Variants in SCAI observed in about 807,000 individuals in gnomAD.
The protein encoded by SCAI is protein SCAI.
Under a neutral mutation model 92.2 loss-of-function variants are expected in SCAI, and 24 were observed. The ratio of observed to expected loss-of-function variants is 0.26; its 90% CI spans 0.19 to 0.37. The LOEUF (loss-of-function observed/expected upper bound fraction) is 0.37, where lower values mean the gene tolerates loss of function less well. Among genes scored for constraint, SCAI ranks in the 10% least tolerant of loss-of-function variants. SCAI has a pLI of 1.00. For synonymous variants in SCAI, 261 were observed against 258.6 expected (o/e 1.01, Z -0.09); for missense variants, 450 against 736.2 (o/e 0.61, Z 4.50).
chr9:124,946,146 A>AT lies in SCAI; in HGVS notation c.*6660dup, dbSNP rs1489276193. On this transcript the variant is annotated 3_prime_UTR_variant, in exon 18 of 18. Coordinates refer to ENST00000336505, the MANE Select transcript of SCAI (RefSeq NM_001144877.3). This position sits in a 1 kb window ranked among gnomAD's most constrained non-coding sequence, Gnocchi z 4.0. ...GTCAGTTCCATGAATTTTAAATGGT[A>AT]TAATATCTGCTCTACTACTCTCCAG... 1.3e-5 allele frequency: 2 copies of AT among 152,210 alleles called. No individual in the cohort carries two copies. Among genetic ancestry groups the AT allele is most frequent in the Non-Finnish European group, 2.9e-5 (2 of 68,040 alleles). The allele number at this position is 152,210 out of a possible 1,614,324, so 9.4% of individuals were successfully genotyped here.
At chr9:125,046,196 G>GATATATATATATAGAT (rs1833430034) in intron 3 of SCAI, among the ~76,000 whole-genome samples, 3 of 51,868 alleles carry the variant, frequency 5.8e-5, no homozygotes, top group Non-Finnish European at 1.1e-4. Flanking sequence ...GAAATTGTGA[G>GATATATATATATAGAT]ATATATATAT....
intron 17 of SCAI, among the ~76,000 whole-genome samples, chr9:124,965,899 GA>G: frequency 6.6e-6 from 1 of 152,240 alleles, no homozygotes; most frequent in South Asian, 2.1e-4. Context: ...AAATATGTGA[GA>G]ACCACTAGAG....
chr9:124,956,916 T>A (rs1209337793), intron 17 of SCAI, among the ~76,000 whole-genome samples: 1 of 151,828 alleles, frequency 6.6e-6, no homozygotes, highest in Non-Finnish European at 1.5e-5. Flanking sequence ...ATATAGAAAA[T>A]TTTAAGGAAC....
At chr9:125,077,840 T>G (rs764152623) in intron 2 of SCAI, among the ~76,000 whole-genome samples, 7 of 152,114 alleles carry the variant, frequency 4.6e-5, no homozygotes, top group African/African-American at 7.2e-5. Flanking sequence ...TGCCTCGGCC[T>G]CCCAAGTAGC....
chr9:125,030,140 G>A (rs1588163357), intron 3 of SCAI, among the ~76,000 whole-genome samples: 2 of 152,256 alleles, frequency 1.3e-5, no homozygotes, highest in East Asian at 3.9e-4. Context: ...TATGTAGATG[G>A]TATTACTGTT....
intron 13 of SCAI, among the ~76,000 whole-genome samples, chr9:124,999,361 T>C (rs1832312084): frequency 6.7e-6 from 1 of 149,780 alleles, no homozygotes; most frequent in Non-Finnish European, 1.5e-5. Flanking sequence ...CACTCCAGCC[T>C]GGGTGACAGG....
intron 14 of SCAI, among the ~76,000 whole-genome samples, chr9:124,991,751 C>T (rs1403454714): frequency 3.3e-5 from 5 of 151,858 alleles, no homozygotes; most frequent in South Asian, 2.1e-4. Flanking sequence ...GCAGGAGAAT[C>T]GCTTGAACCC....
chr9:125,016,017 T>G (rs1231471673), intron 9 of SCAI, among the ~76,000 whole-genome samples: 2 of 109,136 alleles, frequency 1.8e-5, no homozygotes, highest in South Asian at 3.2e-4. Context: ...ACATCACACT[T>G]TGGGGACTGT....
chr9:125,032,458 C>G (rs1028646034), intron 3 of SCAI, among the ~76,000 whole-genome samples: 1 of 151,556 alleles, frequency 6.6e-6, no homozygotes, highest in African/African-American at 2.4e-5. Context: ...TCCTAAAGTG[C>G]TGGGATTACA....
intron 3 of SCAI, 101 bp from the exon 4 acceptor site, chr9:125,029,840 T>C (rs956154275): frequency 5.0e-6 from 3 of 602,292 alleles, no homozygotes; most frequent in East Asian, 3.2e-5. Context: ...AATGCTTGCA[T>C]TCAGGCTTTC....
In SCAI at chr9:125,079,772, A is replaced by AC. The variant is rs1564404807; in HGVS notation, c.99-23766_99-23765insG. Among the ~76,000 whole-genome samples the AC allele has an allele frequency of 4.6e-5, 7 of 152,060 alleles. No individual in the cohort carries two copies. In the East Asian group the frequency reaches 1.4e-3, roughly 29 times the overall value. On this transcript the variant is annotated intron_variant, in intron 2 of 17. Transcript: ENST00000336505. ...AACACGTTGGTGACTTAAAAAAAAA[A>AC]ACTGGTATTTCACGGAACATGAGGA... is the stretch of plus-strand genomic sequence containing the variant.
rs932551449 is a variant in SCAI, at chr9:124,943,287, G to C, written c.*9520C>G. 2 of 152,130 alleles carry C rather than the reference G, an allele frequency of 1.3e-5. No homozygotes were observed. The highest frequency in any genetic ancestry group is 6.5e-5 in the Admixed American group (1 of 15,280). The allele number at this position is 152,130 out of a possible 1,614,324, so 9.4% of individuals were successfully genotyped here. A position where few individuals can be genotyped will look rare whatever the true frequency, so the allele number is the denominator to read the frequency against. ...TACTGTTAACACATATAAAAACTATGAATCCAAACAGTTTTGCTAACGGGG... is the reference window on the plus strand; with the variant it reads ...TACTGTTAACACATATAAAAACTATCAATCCAAACAGTTTTGCTAACGGGG... On this transcript the variant is annotated 3_prime_UTR_variant, in exon 18 of 18. Transcript: ENST00000336505.
chr9:125,075,596 C>T (rs987256163), intron 2 of SCAI, among the ~76,000 whole-genome samples: 3 of 146,722 alleles, frequency 2.0e-5, no homozygotes, highest in African/African-American at 7.6e-5. Context: ...GATGGAGTTT[C>T]GCTCCTGTTG....
chr9:124,968,445 C>A (rs1187374171), intron 17 of SCAI: 10 of 1,030,656 alleles, frequency 9.7e-6, no homozygotes, highest in African/African-American at 1.6e-5. Flanking sequence ...CTTGAGTCCA[C>A]TGGATGGAGA....
At chr9:125,051,643 C>T (rs1294867904) in intron 3 of SCAI, among the ~76,000 whole-genome samples, 2 of 152,084 alleles carry the variant, frequency 1.3e-5, no homozygotes, top group East Asian at 3.8e-4. Flanking sequence ...GTACCCCATA[C>T]ATATGTAAAA....
chr9:125,100,174 C>T (rs1331484357), intron 2 of SCAI, among the ~76,000 whole-genome samples: 4 of 152,192 alleles, frequency 2.6e-5, no homozygotes, highest in African/African-American at 9.7e-5. Context: ...TGAGAAGTAG[C>T]TCTTGTCTCT....
At chr9:124,964,607 C>A (rs868678266) in intron 17 of SCAI, among the ~76,000 whole-genome samples, 3 of 152,150 alleles carry the variant, frequency 2.0e-5, no homozygotes, top group African/African-American at 7.2e-5. Context: ...GTCCTTAGGA[C>A]CCCCCATCTA....
chr9:124,952,226 T>A lies in SCAI; in HGVS notation c.*581A>T, dbSNP rs748042956. On this transcript the variant is annotated 3_prime_UTR_variant, in exon 18 of 18. Coordinates refer to ENST00000336505, the MANE Select transcript of SCAI (RefSeq NM_001144877.3). ...CCTCAATCAAGATGTAGCTTTCAGA[T>A]GCAATTCAATCCAATTTCTGAAATT... 2.6e-5 allele frequency: 4 copies of A among 152,206 alleles called. No individual in the cohort carries two copies. Among genetic ancestry groups the A allele is most frequent in the Non-Finnish European group, 5.9e-5 (4 of 68,030 alleles). The allele number at this position is 152,206 out of a possible 1,614,324, so 9.4% of individuals were successfully genotyped here.
chr9:125,105,114 G>A (rs1374471333), intron 2 of SCAI, among the ~76,000 whole-genome samples: 2 of 151,858 alleles, frequency 1.3e-5, no homozygotes, highest in Non-Finnish European at 2.9e-5. Context: ...AAGCCATCAT[G>A]TACCTCTAAA....
Sources: allele counts gnomAD v4.1 joint callset (sites outside exome capture counted in the v4.1 genomes callset), GRCh38; gene constraint gnomAD v4.1.1; non-coding constraint Gnocchi (gnomAD v3.1); transcripts MANE v1.5; gene names NCBI Gene and HGNC (gene_info 2026-07-23, HGNC 2026-07-21).